FYB1: variants seen among roughly 807,000 people sequenced by gnomAD.
FYB1 encodes FYN-binding protein 1.
FYB1 carries 41 observed loss-of-function variants against 94.1 expected under a neutral mutation model. The observed-to-expected ratio is 0.44, with a 90% CI of 0.34 to 0.57. FYB1 has a LOEUF of 0.57. FYB1 is among the 20% of genes least tolerant of loss of function. FYB1 has a pLI of 0.02. For synonymous variants in FYB1, 367 were observed against 353.2 expected (o/e 1.04, Z -0.44); for missense variants, 1,050 against 976.8 (o/e 1.07, Z -1.00).
At chr5:39,116,910 C>A (rs1434687248) in intron 16 of FYB1, among the ~76,000 whole-genome samples, 1 of 151,978 alleles carries the variant, frequency 6.6e-6, no homozygotes, top group Non-Finnish European at 1.5e-5. Flanking sequence ...TCTGTATGCA[C>A]TTCAAAGTTG....
chr5:39,260,857 C>T (rs957991886), intron 1 of FYB1, among the ~76,000 whole-genome samples: 3 of 151,930 alleles, frequency 2.0e-5, no homozygotes, highest in South Asian at 2.1e-4. Context: ...AAATTCTGCC[C>T]TGTTTAACTG....
chr5:39,210,609 A>G (rs1203218717), intron 1 of FYB1, among the ~76,000 whole-genome samples: 1 of 152,132 alleles, frequency 6.6e-6, no homozygotes, highest in African/African-American at 2.4e-5. Context: ...ACAAATTCGA[A>G]CCTTCAATGT....
At chr5:39,270,383 C>T (rs143157418) in intron 1 of FYB1, among the ~76,000 whole-genome samples, 2 of 152,166 alleles carry the variant, frequency 1.3e-5, no homozygotes. Context: ...ACTCTTGAAG[C>T]CATGTCTCTC....
At chr5:39,211,739 T>C (rs1261650489) in intron 1 of FYB1, among the ~76,000 whole-genome samples, 1 of 152,150 alleles carries the variant, frequency 6.6e-6, no homozygotes, top group African/African-American at 2.4e-5. Context: ...AAAATAGAAA[T>C]GTTATGCTTT....
At chr5:39,177,784 G>A (rs1204835369) in intron 2 of FYB1, among the ~76,000 whole-genome samples, 1 of 152,106 alleles carries the variant, frequency 6.6e-6, no homozygotes, top group Admixed American at 6.5e-5. Context: ...GTGAGATAAG[G>A]TGTCTTGCAG....
rs543578392 is a variant in FYB1 at position 39,139,459 on chromosome 5, T to A, written c.1340-207A>T. 4.1e-5 allele frequency: 15 copies of A among 366,900 alleles called. No homozygotes were observed. The East Asian group carries it at 6.9e-4, about 17-fold the overall frequency. The allele number at this position is 366,900 out of a possible 1,614,324, so 22.7% of individuals were successfully genotyped here. ...TTGTGCTGGTGACTTAATTATAAAATCATTTCATTGGCTTTCATAAAATAA... is the reference window on the plus strand; with the variant it reads ...TTGTGCTGGTGACTTAATTATAAAAACATTTCATTGGCTTTCATAAAATAA... On this transcript the variant is annotated intron_variant, in intron 4 of 18. Coordinates refer to ENST00000512982, the MANE Select transcript of FYB1 (RefSeq NM_001465.6).
intron 1 of FYB1, among the ~76,000 whole-genome samples, chr5:39,239,235 C>T (rs1034790752): frequency 6.6e-6 from 1 of 152,040 alleles, no homozygotes; most frequent in African/African-American, 2.4e-5. Context: ...GGAAGCATTC[C>T]TTTTGAGAAC....
At chr5:39,198,164 C>T (rs1196816411) in intron 2 of FYB1, among the ~76,000 whole-genome samples, 1 of 152,118 alleles carries the variant, frequency 6.6e-6, no homozygotes, top group Non-Finnish European at 1.5e-5. Flanking sequence ...TTATAATGTG[C>T]TGGCGAAGTA....
chr5:39,173,104 C>T (rs1745403319), intron 2 of FYB1, among the ~76,000 whole-genome samples: 1 of 152,194 alleles, frequency 6.6e-6, no homozygotes, highest in Non-Finnish European at 1.5e-5. Flanking sequence ...GCAGCCTTTT[C>T]AGCATCTGTT....
intron 16 of FYB1, among the ~76,000 whole-genome samples, chr5:39,111,968 T>C (rs906495724): frequency 6.6e-6 from 1 of 152,012 alleles, no homozygotes; most frequent in African/African-American, 2.4e-5. Flanking sequence ...GGCTTTGATA[T>C]CACAGTTCAT....
chr5:39,215,871 G>A (rs1216068556), intron 1 of FYB1, among the ~76,000 whole-genome samples: 1 of 152,092 alleles, frequency 6.6e-6, no homozygotes, highest in Non-Finnish European at 1.5e-5. Flanking sequence ...CTTTGCAGGT[G>A]TAATTAAGGA....
intron 3 of FYB1, among the ~76,000 whole-genome samples, chr5:39,144,330 C>T (rs1433006705): frequency 6.6e-6 from 1 of 152,118 alleles, no homozygotes; most frequent in Non-Finnish European, 1.5e-5. Context: ...CCACCTCTAC[C>T]TCTCACTCTC....
At chr5:39,239,102 A>T (rs998714337) in intron 1 of FYB1, among the ~76,000 whole-genome samples, 1 of 152,146 alleles carries the variant, frequency 6.6e-6, no homozygotes, top group Non-Finnish European at 1.5e-5. Context: ...TTTCTAATAA[A>T]ATTCATCATC....
Position 39,118,996 on chromosome 5 carries a change from G to T in FYB1, c.2279C>A (p.Thr760Lys). Residue 760 changes from threonine to lysine, a missense_variant, in exon 16 of 19, where the codon ACA becomes AAA. Physicochemically the swap from Thr to Lys is moderately conservative, Grantham distance 78. Transcript: ENST00000512982. ...CCACTTTTTAGAAGTTATGGAAGTT[G>T]TAACTTTAGTTGAATATAGGACTCT... ...EIRVLYSTKV[T>K]TSITSKKWGT... 6.6e-7 allele frequency: 1 copy of T among 1,519,090 alleles called. No homozygotes were observed. The highest frequency in any genetic ancestry group is 9.0e-7 in the Non-Finnish European group (1 of 1,116,148). 94.1% of individuals were successfully genotyped at this position (1,519,090 alleles called of 1,614,324 possible). A position where few individuals can be genotyped will look rare whatever the true frequency, so the allele number is the denominator to read the frequency against.
intron 2 of FYB1, among the ~76,000 whole-genome samples, chr5:39,160,691 T>C (rs1744166097): frequency 1.3e-5 from 2 of 152,228 alleles, no homozygotes; most frequent in South Asian, 4.1e-4. Flanking sequence ...AAAATGGGAC[T>C]ACTGACTCTT....
intron 1 of FYB1, among the ~76,000 whole-genome samples, chr5:39,258,027 G>A (rs1278185165): frequency 6.6e-6 from 1 of 152,150 alleles, no homozygotes; most frequent in Non-Finnish European, 1.5e-5. Context: ...ATACACAGGT[G>A]GCTGGGCCCC....
intron 2 of FYB1, among the ~76,000 whole-genome samples, chr5:39,184,093 G>C (rs1357052539): frequency 6.6e-6 from 1 of 152,028 alleles, no homozygotes; most frequent in Non-Finnish European, 1.5e-5. Context: ...GGCAATTTTT[G>C]GTTTTCAGAA....
intron 1 of FYB1, among the ~76,000 whole-genome samples, chr5:39,263,135 G>A (rs1013958104): frequency 2.6e-5 from 4 of 151,264 alleles, no homozygotes; most frequent in Non-Finnish European, 4.5e-5. Flanking sequence ...AAGAAAGGGC[G>A]GATGGAATGG....
intron 10 of FYB1, among the ~76,000 whole-genome samples, chr5:39,130,344 A>G (rs1741080454): frequency 2.0e-5 from 3 of 152,130 alleles, no homozygotes; most frequent in Admixed American, 2.0e-4. Flanking sequence ...TCTAATGCTT[A>G]ATAGTAGAGT....
Sources: gnomAD v4.1 joint callset for allele counts (sites outside exome capture counted in the v4.1 genomes callset) on GRCh38, gnomAD v4.1.1 for gene constraint, MANE v1.5 for transcripts, NCBI Gene and HGNC (gene_info 2026-07-23, HGNC 2026-07-21) for gene names.